Variants in TRPV1 observed in about 807,000 individuals in gnomAD.
The protein encoded by TRPV1 is OTRPC1.
In TRPV1, 82 loss-of-function variants were observed where a neutral mutation model predicts 82.3. That is an observed-to-expected ratio of 1.00 (90% confidence interval 0.83 to 1.20). TRPV1 has a LOEUF of 1.20. Ranked by LOEUF, TRPV1 falls within the 50% of genes most tolerant of loss-of-function variation. TRPV1 has a pLI of 0.00. For missense variants in TRPV1, 1,067 were observed against 1,096.8 expected (o/e 0.97, Z 0.38); for synonymous variants, 515 against 467.7 (o/e 1.10, Z -1.30).
At chr17:3,577,823 G>T in intron 11 of TRPV1, 60 bp from the exon 12 acceptor site, 1 of 1,518,394 alleles carries the variant, frequency 6.6e-7, no homozygotes, top group Non-Finnish European at 8.9e-7. Context: ...GGCACCCCCA[G>T]AACAAAAGGT....
chr17:3,575,313 T>A (rs1424178809), intron 13 of TRPV1, among the ~76,000 whole-genome samples: 2 of 152,010 alleles, frequency 1.3e-5, no homozygotes, highest in Admixed American at 6.6e-5. Flanking sequence ...TAAAACCCCA[T>A]CTGTACTAAA....
intron 16 of TRPV1, among the ~76,000 whole-genome samples, chr17:3,567,247 G>A (rs999383719): frequency 1.3e-5 from 2 of 150,884 alleles, no homozygotes; most frequent in Non-Finnish European, 3.0e-5. Flanking sequence ...GCACATGCCT[G>A]TAACCCCAGT....
intron 10 of TRPV1, 41 bp from the exon 11 acceptor site, chr17:3,580,568 G>A (rs186963142): frequency 7.5e-6 from 12 of 1,602,886 alleles, no homozygotes; most frequent in Admixed American, 3.3e-5. Context: ...GGCAATGCTC[G>A]ATGTGGCTAA....
chr17:3,586,339 C>T (rs1012395473), intron 8 of TRPV1, among the ~76,000 whole-genome samples: 1 of 152,252 alleles, frequency 6.6e-6, no homozygotes, highest in Non-Finnish European at 1.5e-5. Context: ...TCACTTCTCA[C>T]GTTTCCAGCC....
chr17:3,585,929 A>AG lies in TRPV1; in HGVS notation c.1225-4dup. On this transcript the variant is annotated splice_region_variant and splice_polypyrimidine_tract_variant and intron_variant, in intron 8 of 16. Transcript: ENST00000572705. ...ACCAAGAGCATGTCGTGGCGATTCT[A>AG]GGGGGTGGGGAGAGAAGTGAGGTTC... 3.1e-6 allele frequency: 5 copies of AG among 1,612,380 alleles called. No individual in the cohort carries two copies. The highest frequency in any genetic ancestry group is 3.3e-4 in the Middle Eastern group (2 of 6,062).
intron 7 of TRPV1, 121 bp downstream of exon 7, chr17:3,589,686 T>G: frequency 1.6e-6 from 2 of 1,219,034 alleles, no homozygotes; most frequent in Non-Finnish European, 2.2e-6. Context: ...CAGGCTGGTA[T>G]GACAGAATCA....
chr17:3,577,138 C>G lies in TRPV1; in HGVS notation c.1768G>C (p.Gly590Arg). The change falls in exon 13 of 17, where the codon GGG (glycine) becomes CGG (arginine). Residue 590 changes from glycine (G) to arginine (R), a missense_variant. Transcript: ENST00000572705. ...FMFVYIVFLF[G>R]FSTAVVTLIE... The stretch of plus-strand genomic sequence containing the variant: ...CCAAGCTCATTACCTGTGGAAAACC[C>G]GAACAAGAAGACGATGTAGACAAAC... 1 of 1,586,774 alleles carries G rather than the reference C, an allele frequency of 6.3e-7. No homozygotes were observed. The highest frequency in any genetic ancestry group is 8.6e-7 in the Non-Finnish European group (1 of 1,166,928).
In TRPV1 at chr17:3,592,284, C is replaced by G. The variant is rs201882151; in HGVS notation, c.67G>C (p.Asp23His). ...ADPLQKDTCP[D>H]PLDGDPNSRP... Reference sequence around the variant, plus strand: ...GAGTTAGGGTCTCCATCCAGGGGGTCTGGGCAGGTGTCCTTTTGGAGTGGG... The same window carrying G: ...GAGTTAGGGTCTCCATCCAGGGGGTGTGGGCAGGTGTCCTTTTGGAGTGGG... The change falls in exon 3 of 17, where the codon GAC becomes CAC. Residue 23 changes from aspartate (D) to histidine (H), a missense_variant. By Grantham distance (81) the Asp-to-His change is moderately conservative. Transcript: ENST00000572705. 7.4e-5 allele frequency: 119 copies of G among 1,604,510 alleles called. No individual in the cohort carries two copies. The African/African-American group carries it at 1.5e-3, about 20-fold the overall frequency.
chr17:3,606,145 G>A (rs930208877), intron 2 of TRPV1, among the ~76,000 whole-genome samples: 5 of 152,090 alleles, frequency 3.3e-5, no homozygotes, highest in African/African-American at 1.2e-4. Flanking sequence ...ATTTTTAGTA[G>A]AGACGGGGTT....
At chr17:3,584,413 AAAATAAAAT>A (rs1262440001) in intron 9 of TRPV1, among the ~76,000 whole-genome samples, 4 of 15,888 alleles carry the variant, frequency 2.5e-4, no homozygotes, top group Non-Finnish European at 6.0e-4. Flanking sequence ...AAAAAAAAAA[AAAATAAAAT>A]AAAAAAAAAA....
rs905404592 is a variant in TRPV1, at chr17:3,568,918, G to A, written c.2348-1931C>T. ...TTAGCCAGGTGTACACATATACACC[G>A]TGGAATACTATGCAGCCATAACAAA... On this transcript the variant is annotated intron_variant, in intron 16 of 16. Transcript: ENST00000572705. Among the ~76,000 whole-genome samples the A allele has an allele frequency of 2.0e-4, 31 of 152,106 alleles. 1 individual carries two copies. The highest frequency in any genetic ancestry group is 1.2e-3 in the Admixed American group (19 of 15,264).
chr17:3,595,411 C>A (rs555772358), intron 2 of TRPV1, among the ~76,000 whole-genome samples: 72 of 152,216 alleles, frequency 4.7e-4, no homozygotes, highest in African/African-American at 1.7e-3. Flanking sequence ...CTCAGCAGTT[C>A]AACTCAGACC....
At chr17:3,575,530 T>G (rs2074918616) in intron 13 of TRPV1, among the ~76,000 whole-genome samples, 2 of 151,628 alleles carry the variant, frequency 1.3e-5, no homozygotes, top group African/African-American at 4.9e-5. Context: ...CAGGATGAAG[T>G]GATTCAGGTA....
At position 3,576,619 on chromosome 17, in the gene TRPV1, G is replaced by A. The variant is rs1310314086; in HGVS notation, c.1780+507C>T. Among the ~76,000 whole-genome samples the A allele has an allele frequency of 1.1e-4, 15 of 136,892 alleles. No individual in the cohort carries two copies. The South Asian group carries it at 1.6e-3, about 15-fold the overall frequency. 89.8% of individuals were successfully genotyped at this position (136,892 alleles called of 152,430 possible). ...GTGAGCCGAGATCGCGCCACTGCAC[G>A]CCAGCCTGGGCAAGAGAGCTAGACT... On this transcript the variant is annotated intron_variant, in intron 13 of 16. Coordinates refer to ENST00000572705, the MANE Select transcript of TRPV1 (RefSeq NM_080704.4).
At chr17:3,569,984 GC>G (rs2074829333) in intron 16 of TRPV1, among the ~76,000 whole-genome samples, 2 of 136,426 alleles carry the variant, frequency 1.5e-5, no homozygotes, top group African/African-American at 6.8e-5. Flanking sequence ...GAGGGGCCAA[GC>G]GGTCAGGGAG....
intron 13 of TRPV1, 82 bp from the exon 14 acceptor site, chr17:3,574,037 C>T: frequency 8.2e-7 from 1 of 1,219,982 alleles, no homozygotes; most frequent in Non-Finnish European, 1.1e-6. Context: ...CCTGCTCAGT[C>T]AGTCTCAAAT....
intron 16 of TRPV1, among the ~76,000 whole-genome samples, chr17:3,568,277 G>C (rs1042088078): frequency 1.6e-4 from 24 of 149,576 alleles, no homozygotes; most frequent in Non-Finnish European, 2.5e-4. Context: ...AGCCAAGATT[G>C]CGCCACTGCA....
chr17:3,586,350 C>T (rs970998436), intron 8 of TRPV1, among the ~76,000 whole-genome samples: 8 of 152,362 alleles, frequency 5.3e-5, no homozygotes, highest in Admixed American at 4.6e-4. Flanking sequence ...GTTTCCAGCC[C>T]TGGGTCAGGC....
chr17:3,591,415 G>C, intron 3 of TRPV1, 62 bp from the exon 4 acceptor site: 2 of 1,510,890 alleles, frequency 1.3e-6, no homozygotes, highest in Non-Finnish European at 1.8e-6. Flanking sequence ...GAGGCCTTCG[G>C]AGCTTGTCAA....
Sources: gnomAD v4.1 joint callset for allele counts (sites outside exome capture counted in the v4.1 genomes callset) on GRCh38, gnomAD v4.1.1 for gene constraint, MANE v1.5 for transcripts, NCBI Gene and HGNC (gene_info 2026-07-23, HGNC 2026-07-21) for gene names.